The following TUBGCP4 variants were observed in gnomAD, a reference collection of about 807,000 sequenced individuals.
The protein encoded by TUBGCP4 is tubulin gamma complex component 4, also known as gamma-tubulin complex component 4.
TUBGCP4 carries 54 observed loss-of-function variants against 91.6 expected under a neutral mutation model. The ratio of observed to expected loss-of-function variants is 0.59; its 90% CI spans 0.47 to 0.74. The LOEUF (loss-of-function observed/expected upper bound fraction) is 0.74, where lower values mean the gene tolerates loss of function less well. TUBGCP4 is among the 30% of genes least tolerant of loss of function. The pLI is 0.00. For missense variants in TUBGCP4, 593 were observed against 800.9 expected, an observed-to-expected ratio of 0.74 and a Z score of 3.13; for synonymous variants, 297 against 302.8, an observed-to-expected ratio of 0.98 and a Z score of 0.20.
chr15:43,407,984 G>A lies in TUBGCP4; in HGVS notation c.*2770G>A, dbSNP rs2044972113. On this transcript the variant is annotated 3_prime_UTR_variant, in exon 18 of 18. Coordinates refer to ENST00000564079, the MANE Select transcript of TUBGCP4 (RefSeq NM_014444.5). ...TGAATGGTGCTGCTTCACAGAGGCT[G>A]CACCACCAGTCATGAGGATCTCAGA... 1.2e-6 allele frequency: 2 copies of A among 1,613,950 alleles called. No homozygotes were observed. Among genetic ancestry groups the A allele is most frequent in the Non-Finnish European group, 8.5e-7 (1 of 1,179,982 alleles).
Position 43,383,513 on chromosome 15 carries a change from C to A in TUBGCP4, c.723+9C>A. ...GAGAACTGCAGGACTTGGTGAGAGCCCAAAAAGTAGCCTAGCACTCTCCTG... is the reference window on the plus strand; with the variant it reads ...GAGAACTGCAGGACTTGGTGAGAGCACAAAAAGTAGCCTAGCACTCTCCTG... On this transcript the variant is annotated intron_variant, in intron 7 of 17. Transcript: ENST00000564079. 6.3e-7 allele frequency: 1 copy of A among 1,584,604 alleles called. No homozygotes were observed.
Position 43,407,636 on chromosome 15 carries a change from G to C in TUBGCP4, c.*2422G>C. On this transcript the variant is annotated 3_prime_UTR_variant, in exon 18 of 18. Transcript: ENST00000564079. The stretch of plus-strand genomic sequence containing the variant: ...AACTTAGCCCTCCATTAGAAAGAGA[G>C]ATTTGATTCTAACCAATACATCCCA... 6.8e-7 allele frequency: 1 copy of C among 1,465,666 alleles called. No homozygotes were observed. Among genetic ancestry groups the C allele is most frequent in the Non-Finnish European group, 9.3e-7 (1 of 1,077,260 alleles). 90.8% of individuals were successfully genotyped at this position (1,465,666 alleles called of 1,614,324 possible). A position where few individuals can be genotyped will look rare whatever the true frequency, so the allele number is the denominator to read the frequency against.
At chr15:43,397,144 GA>G in intron 11 of TUBGCP4, 69 bp from the exon 12 acceptor site, 1 of 1,089,022 alleles carries the variant, frequency 9.2e-7, no homozygotes, top group Non-Finnish European at 1.4e-6. Flanking sequence ...GGGAGAAGTG[GA>G]AAGCTGGAGG....
intron 1 of TUBGCP4, 37 bp downstream of exon 1, chr15:43,371,469 C>T (rs2044119684): frequency 6.2e-7 from 1 of 1,607,672 alleles, no homozygotes; most frequent in African/African-American, 1.3e-5. Flanking sequence ...CCAGGGAGCG[C>T]AGGAGGGGGG....
At chr15:43,383,759 A>G (rs2044318275) in intron 7 of TUBGCP4, among the ~76,000 whole-genome samples, 1 of 152,058 alleles carries the variant, frequency 6.6e-6, no homozygotes, top group South Asian at 2.1e-4. Context: ...AGCTACTCTA[A>G]TGGAGCAGCT....
At chr15:43,387,756 C>G (rs2044400606) in intron 9 of TUBGCP4, among the ~76,000 whole-genome samples, 1 of 152,144 alleles carries the variant, frequency 6.6e-6, no homozygotes, top group African/African-American at 2.4e-5. Context: ...GCCACTGCGC[C>G]TGGCCCGCAT....
chr15:43,401,629 C>T (rs2044682854), intron 14 of TUBGCP4, 87 bp from the exon 15 acceptor site: 1 of 1,417,414 alleles, frequency 7.1e-7, no homozygotes, highest in Non-Finnish European at 9.7e-7. Flanking sequence ...GGAGGCAAAG[C>T]ATTTTCATTT....
At chr15:43,395,793 T>G (rs183678976) in intron 11 of TUBGCP4, 105 bp downstream of exon 11, 21 of 896,540 alleles carry the variant, frequency 2.3e-5, no homozygotes, top group African/African-American at 2.3e-4. Context: ...AGCAGCCTGA[T>G]GAGTTACAGA....
At chr15:43,404,592 G>A in intron 17 of TUBGCP4, 40 bp downstream of exon 17, 1 of 1,604,184 alleles carries the variant, frequency 6.2e-7, no homozygotes, top group East Asian at 2.2e-5. Flanking sequence ...ACTTTTTAAG[G>A]TGGCTTTTTA....
intron 17 of TUBGCP4, 126 bp downstream of exon 17, chr15:43,404,678 A>G (rs2044798582): frequency 7.0e-6 from 7 of 1,004,332 alleles, no homozygotes; most frequent in Admixed American, 2.5e-5. Flanking sequence ...GCTTAGAGAT[A>G]GAGGTGTGAC....
In TUBGCP4 at chr15:43,377,062, G is replaced by C; in HGVS notation, c.379G>C (p.Asp127His). 1 of 1,613,062 alleles carries C rather than the reference G, an allele frequency of 6.2e-7. No individual in the cohort carries two copies. Among genetic ancestry groups the C allele is most frequent in the Non-Finnish European group, 8.5e-7 (1 of 1,179,060 alleles). ...LSISHVNYFL[D>H]QFQLLFPSVM... ...CATATCACATGTCAACTACTTCCTA[G>C]ACCAGGTATGCTGCCCAAATAACCA... is the stretch of plus-strand genomic sequence containing the variant. Residue 127 changes from aspartate (D) to histidine (H), a missense_variant, in exon 4 of 18, where the codon GAC (aspartate) becomes CAC (histidine). Transcript: ENST00000564079.
chr15:43,371,468 G>T, intron 1 of TUBGCP4, 36 bp downstream of exon 1: 4 of 1,607,750 alleles, frequency 2.5e-6, no homozygotes, highest in Non-Finnish European at 3.4e-6. Context: ...ACCAGGGAGC[G>T]CAGGAGGGGG....
At chr15:43,397,168 T>C (rs1224546689) in intron 11 of TUBGCP4, 46 bp from the exon 12 acceptor site, 2 of 1,443,608 alleles carry the variant, frequency 1.4e-6, no homozygotes, top group East Asian at 2.3e-5. Flanking sequence ...TCTGGGTTTG[T>C]TATGTAGCCA....
At chr15:43,403,317 A>C (rs922909773) in intron 15 of TUBGCP4, 1 of 177,606 alleles carries the variant, frequency 5.6e-6, no homozygotes, top group African/African-American at 2.4e-5. Flanking sequence ...TGCTTCACTG[A>C]GAGAGTGGGA....
chr15:43,406,338 T>C lies in TUBGCP4; in HGVS notation c.*1124T>C. 6.6e-6 allele frequency: 2 copies of C among 303,846 alleles called. No individual in the cohort carries two copies. The highest frequency in any genetic ancestry group is 1.2e-3 in the Middle Eastern group (1 of 842). 18.8% of individuals were successfully genotyped at this position (303,846 alleles called of 1,614,324 possible). A position where few individuals can be genotyped will look rare whatever the true frequency, so the allele number is the denominator to read the frequency against. ...TGCATCTGGTTTTCATCACTACATA[T>C]TCTACACACACTGGGAAGCTCTGAC... On this transcript the variant is annotated 3_prime_UTR_variant, in exon 18 of 18. Coordinates refer to ENST00000564079, the MANE Select transcript of TUBGCP4 (RefSeq NM_014444.5).
rs1566894338 is a variant in TUBGCP4, at chr15:43,386,344, C to CATATATATATATATATAT, written c.1014+14_1014+15insATATATATATATATATAT. ...ACTGTGGCTGAGGTTTGTGTTTCAT[C>CATATATATATATATATAT]GTATATATATATATATATATATATA... On this transcript the variant is annotated intron_variant, in intron 9 of 17. Transcript: ENST00000564079. 90 of 245,616 alleles carry CATATATATATATATATAT rather than the reference C, an allele frequency of 3.7e-4. 10 individuals are homozygous for CATATATATATATATATAT. The highest frequency in any genetic ancestry group is 4.7e-4 in the Non-Finnish European group (71 of 152,326). 15.2% of individuals were successfully genotyped at this position (245,616 alleles called of 1,614,324 possible).
rs1045876563 is a variant in TUBGCP4 at position 43,371,260 on chromosome 15, G to A, written c.-95G>A. On this transcript the variant is annotated 5_prime_UTR_variant, in exon 1 of 18. Transcript: ENST00000564079. ...CAAACCGCCCGACCCAGGGGCCGGT[G>A]CGCGTGTGGAAGGGGAAGCACTCCC... 7.8e-7 allele frequency: 1 copy of A among 1,280,864 alleles called. No individual in the cohort carries two copies. Among genetic ancestry groups the A allele is most frequent in the African/African-American group, 1.5e-5 (1 of 68,622 alleles). The allele number at this position is 1,280,864 out of a possible 1,614,324, so 79.3% of individuals were successfully genotyped here.
rs3038777 is a variant in TUBGCP4, at chr15:43,398,382, TA to T, written c.1418+220del. The T allele has an allele frequency of 0.16, 44,101 of 275,466 alleles. 881 individuals carry two copies. Among genetic ancestry groups the T allele is most frequent in the African/African-American group, 0.22 (9,456 of 43,686 alleles). The allele number at this position is 275,466 out of a possible 1,614,324, so 17.1% of individuals were successfully genotyped here. On this transcript the variant is annotated intron_variant, in intron 13 of 17. Transcript: ENST00000564079. ...GCAACATAGTAAGACCCCCATCTCA[TA>T]AAAAAAAAAAAAAAAATTAATGGGA...
intron 14 of TUBGCP4, among the ~76,000 whole-genome samples, chr15:43,400,619 CAA>C (rs749778646): frequency 1.3e-5 from 2 of 151,990 alleles, no homozygotes; most frequent in Admixed American, 6.6e-5. Context: ...AGGCTGGTCT[CAA>C]ACTCCTGGCT....
Sources: gnomAD v4.1 joint callset for allele counts (sites outside exome capture counted in the v4.1 genomes callset) on GRCh38, gnomAD v4.1.1 for gene constraint, MANE v1.5 for transcripts, NCBI Gene and HGNC (gene_info 2026-07-23, HGNC 2026-07-21) for gene names.